PNPLA7: variants seen among roughly 807,000 people sequenced by gnomAD.
PNPLA7 encodes the protein patatin like domain 7, lysophospholipase, also known as patatin-like phospholipase domain-containing protein 7.
In PNPLA7, 153 loss-of-function variants were observed where a neutral mutation model predicts 161.7. The ratio of observed to expected loss-of-function variants is 0.95; its 90% CI spans 0.83 to 1.08. The LOEUF (loss-of-function observed/expected upper bound fraction) is 1.08. PNPLA7 is among the 50% of genes least tolerant of loss of function. PNPLA7 has a pLI of 0.00. For missense variants in PNPLA7, 1,739 were observed against 1,856.6 expected, an observed-to-expected ratio of 0.94 and a Z score of 1.16; for synonymous variants, 809 against 782.1, an observed-to-expected ratio of 1.03 and a Z score of -0.57.
Position 137,500,730 on chromosome 9 carries a change from T to A in PNPLA7, c.1718A>T (p.Asp573Val). The change falls in exon 16 of 35, where the codon GAC becomes GTC. Residue 573 changes from aspartate (D) to valine (V), a missense_variant. Around this residue, in one of 6 missense-constraint regions of PNPLA7, gnomAD observed 481 missense variants for 450.0 expected, o/e 1.07. Coordinates refer to ENST00000406427, the MANE Select transcript of PNPLA7 (RefSeq NM_001098537.3). This position sits in a 1 kb window ranked among gnomAD's most constrained non-coding sequence, Gnocchi z 5.5. ...CTTGGAGATGGACAGGAAGCTGCAG[T>A]CCCTGTTGGCCTTGACGGTGAAGAT... is the stretch of plus-strand genomic sequence containing the variant. The part of the protein sequence containing the change: ...PLIFTVKANR[D>V]CSFLSISKAH... The A allele has an allele frequency of 6.2e-7, 1 of 1,612,356 alleles. No homozygotes were observed. Among genetic ancestry groups the A allele is most frequent in the Non-Finnish European group, 8.5e-7 (1 of 1,179,838 alleles).
chr9:137,546,967 A>T, intron 3 of PNPLA7, 58 bp from the exon 4 acceptor site: 2 of 1,517,762 alleles, frequency 1.3e-6, no homozygotes, highest in Non-Finnish European at 9.1e-7. Context: ...CTGGTCCTGG[A>T]CATGCAGGTG....
intron 12 of PNPLA7, among the ~76,000 whole-genome samples, chr9:137,512,283 C>T (rs1271981161): frequency 6.6e-6 from 1 of 152,278 alleles, no homozygotes; most frequent in East Asian, 1.9e-4. Flanking sequence ...GCGAAGCCTG[C>T]ACCACCACGA....
At chr9:137,510,027 C>CCAGAAGACCAG (rs1834133383) in intron 12 of PNPLA7, among the ~76,000 whole-genome samples, 1 of 152,170 alleles carries the variant, frequency 6.6e-6, no homozygotes, top group African/African-American at 2.4e-5. Flanking sequence ...GACCAGAAGA[C>CCAGAAGACCAG]AAGAGTGCGA....
rs771781903 is a variant in PNPLA7, at chr9:137,515,232, C to T, written c.1225+147G>A. On this transcript the variant is annotated intron_variant, in intron 12 of 34. Coordinates refer to ENST00000406427, the MANE Select transcript of PNPLA7 (RefSeq NM_001098537.3). ...AAGCCTCGACCCTAGAGCCAGAGGACAGGCACAGGCCCCCCTGGGCACGTG... is the reference window on the plus strand; with the variant it reads ...AAGCCTCGACCCTAGAGCCAGAGGATAGGCACAGGCCCCCCTGGGCACGTG... 9 of 1,059,400 alleles carry T rather than the reference C, an allele frequency of 8.5e-6. 1 individual carries two copies. The highest frequency in any genetic ancestry group is 1.2e-5 in the Non-Finnish European group (9 of 754,426). The allele number at this position is 1,059,400 out of a possible 1,614,324, so 65.6% of individuals were successfully genotyped here.
rs950222455 is a variant in PNPLA7 at position 137,541,183 on chromosome 9, T to C, written c.667-461A>G. 4.6e-5 allele frequency among the ~76,000 whole-genome samples: 7 copies of C among 152,206 alleles called. No individual in the cohort carries two copies. Among genetic ancestry groups the C allele is most frequent in the Non-Finnish European group, 1.0e-4 (7 of 68,034 alleles). ...CTCAGCTTGACCCAGGAAAATTCTTTATGAAGTTGCCCAAATCTGGCCCCA... is the reference window on the plus strand; with the variant it reads ...CTCAGCTTGACCCAGGAAAATTCTTCATGAAGTTGCCCAAATCTGGCCCCA... On this transcript the variant is annotated intron_variant, in intron 7 of 34. Transcript: ENST00000406427. The surrounding 1 kb of genome is among the most constrained non-coding windows in gnomAD (Gnocchi z 4.4).
At chr9:137,506,712 T>G (rs1375048216) in intron 12 of PNPLA7, among the ~76,000 whole-genome samples, 1 of 152,182 alleles carries the variant, frequency 6.6e-6, no homozygotes, top group African/African-American at 2.4e-5. Flanking sequence ...GTGCACCCTT[T>G]TACAGCCTGC....
rs1301187336 is a variant in PNPLA7 at position 137,499,116 on chromosome 9, G to T, written c.1758-871C>A. ...AGGCACACCATGCACGGACACACAG[G>T]CAGACACACAGACACACACAGACAC... On this transcript the variant is annotated intron_variant, in intron 16 of 34. Transcript: ENST00000406427. This position sits in a 1 kb window ranked among gnomAD's most constrained non-coding sequence, Gnocchi z 5.5. Among the ~76,000 whole-genome samples the T allele has an allele frequency of 1.3e-5, 2 of 151,640 alleles. No homozygotes were observed. Among genetic ancestry groups the T allele is most frequent in the Non-Finnish European group, 2.9e-5 (2 of 67,854 alleles).
intron 20 of PNPLA7, among the ~76,000 whole-genome samples, chr9:137,485,401 C>T (rs920167075): frequency 9.2e-5 from 14 of 151,386 alleles, no homozygotes; most frequent in East Asian, 1.9e-4. Flanking sequence ...ACCAGACAAA[C>T]GCTGCAGGTG....
chr9:137,528,444 G>T (rs1564356823), intron 8 of PNPLA7, among the ~76,000 whole-genome samples: 1 of 151,404 alleles, frequency 6.6e-6, no homozygotes, highest in Admixed American at 6.6e-5. Context: ...GTGATTTCCA[G>T]ATAATTTTTG....
At chr9:137,549,840 A>G (rs1353447714) in intron 1 of PNPLA7, among the ~76,000 whole-genome samples, 1 of 152,212 alleles carries the variant, frequency 6.6e-6, no homozygotes, top group Non-Finnish European at 1.5e-5. Context: ...GCAAAGTCCT[A>G]AAGGAACTGG....
rs565109951 is a variant in PNPLA7, at chr9:137,499,752, G to A, written c.1757+939C>T. 4.6e-5 allele frequency among the ~76,000 whole-genome samples: 7 copies of A among 152,352 alleles called. No individual in the cohort carries two copies. In the East Asian group the frequency reaches 1.3e-3, roughly 29 times the overall value. ...CAGGCTGAAGCAGCAACGGCGCGGT[G>A]CCATTTGCTGGATTACAGGCGTGAG... On this transcript the variant is annotated intron_variant, in intron 16 of 34. Transcript: ENST00000406427. The surrounding 1 kb of genome is among the most constrained non-coding windows in gnomAD (Gnocchi z 5.5).
chr9:137,542,708 G>C lies in PNPLA7; in HGVS notation c.600C>G (p.Pro200=), dbSNP rs1216093242. The change falls in exon 7 of 35, where the codon CCC becomes CCG. Residue 200 remains proline (P), a synonymous_variant. Coordinates refer to ENST00000406427, the MANE Select transcript of PNPLA7 (RefSeq NM_001098537.3). The part of the protein sequence containing the change: ...QLQEGEHVFQ[P]REPDPSICVV... The stretch of plus-strand genomic sequence containing the variant: ...CACAGATGCTGGGGTCCGGCTCCCT[G>C]GGCTGGAAGACGTGCTCCCCTTCCT... The C allele has an allele frequency of 6.2e-7, 1 of 1,613,488 alleles. No individual in the cohort carries two copies. Among genetic ancestry groups the C allele is most frequent in the South Asian group, 1.1e-5 (1 of 91,054 alleles).
chr9:137,467,189 C>T lies in PNPLA7; in HGVS notation c.3039+128G>A. Reference sequence around the variant, plus strand: ...CCTCACAAGCTGCACTGGGAGGCTTCAGGGGGTAGCCTCCTCGAGGGCAGG... The same window carrying T: ...CCTCACAAGCTGCACTGGGAGGCTTTAGGGGGTAGCCTCCTCGAGGGCAGG... On this transcript the variant is annotated intron_variant, in intron 26 of 34. Coordinates refer to ENST00000406427, the MANE Select transcript of PNPLA7 (RefSeq NM_001098537.3). The surrounding 1 kb of genome is among the most constrained non-coding windows in gnomAD (Gnocchi z 5.1). 7.6e-7 allele frequency: 1 copy of T among 1,312,708 alleles called. No individual in the cohort carries two copies. The highest frequency in any genetic ancestry group is 1.0e-6 in the Non-Finnish European group (1 of 983,542). 81.3% of individuals were successfully genotyped at this position (1,312,708 alleles called of 1,614,324 possible).
intron 23 of PNPLA7, chr9:137,479,857 C>T (rs1217848206): frequency 1.0e-6 from 1 of 985,342 alleles, no homozygotes; most frequent in Non-Finnish European, 1.2e-6. Flanking sequence ...CTGCAGAAGG[C>T]TGTTCCTGTT....
chr9:137,467,606 G>T lies in PNPLA7; in HGVS notation c.2883-133C>A. ...GCTGACGCAGAGAGGGACTCCAGAT[G>T]CAGTTTAAAACCCCTCTTTCCGGGC... On this transcript the variant is annotated intron_variant, in intron 25 of 34. Transcript: ENST00000406427. The surrounding 1 kb of genome is among the most constrained non-coding windows in gnomAD (Gnocchi z 5.1). 1.6e-6 allele frequency: 2 copies of T among 1,242,318 alleles called. No homozygotes were observed. Among genetic ancestry groups the T allele is most frequent in the Non-Finnish European group, 1.1e-6 (1 of 913,546 alleles). 77.0% of individuals were successfully genotyped at this position (1,242,318 alleles called of 1,614,324 possible).
rs192628153 is a variant in PNPLA7 at position 137,481,808 on chromosome 9, C to T, written c.2348-785G>A. Among the ~76,000 whole-genome samples, 126 of 152,246 alleles carry T rather than the reference C, an allele frequency of 8.3e-4. 4 individuals are homozygous for T. In the East Asian group the frequency reaches 0.019, roughly 23 times the overall value. The stretch of plus-strand genomic sequence containing the variant: ...AAACTTAGCTGGGTGTGGTGGCGGG[C>T]GCCTGTAGTCCCAGCTACTTGGGAG... On this transcript the variant is annotated intron_variant, in intron 21 of 34. Transcript: ENST00000406427.
chr9:137,503,359 T>C (rs1295481866), intron 14 of PNPLA7, among the ~76,000 whole-genome samples: 1 of 149,006 alleles, frequency 6.7e-6, no homozygotes, highest in Admixed American at 6.8e-5. Context: ...CCAGGCTGGA[T>C]GACAAAGTGA....
chr9:137,502,947 C>A (rs1026057611), intron 14 of PNPLA7, among the ~76,000 whole-genome samples: 2 of 151,828 alleles, frequency 1.3e-5, no homozygotes, highest in African/African-American at 4.8e-5. Context: ...GGCACCCGAA[C>A]GGTACGGAAG....
At position 137,520,705 on chromosome 9, in the gene PNPLA7, GTGGGGA is replaced by G. The variant is rs1834938107; in HGVS notation, c.958-668_958-663del. Reference sequence around the variant, plus strand: ...TCAGTTCCCACGAGAGCTCGGCTAGGTGGGGACCGTCCCACGTCCCGGCCAAGTGCC... The same window carrying G: ...TCAGTTCCCACGAGAGCTCGGCTAGGCCGTCCCACGTCCCGGCCAAGTGCC... On this transcript the variant is annotated intron_variant, in intron 10 of 34. Coordinates refer to ENST00000406427, the MANE Select transcript of PNPLA7 (RefSeq NM_001098537.3). This position sits in a 1 kb window ranked among gnomAD's most constrained non-coding sequence, Gnocchi z 5.2. Among the ~76,000 whole-genome samples the G allele has an allele frequency of 6.6e-6, 1 of 152,226 alleles. No individual in the cohort carries two copies. Among genetic ancestry groups the G allele is most frequent in the African/African-American group, 2.4e-5 (1 of 41,470 alleles).
Sources: allele counts gnomAD v4.1 joint callset (sites outside exome capture counted in the v4.1 genomes callset), GRCh38; gene constraint gnomAD v4.1.1; regional missense constraint gnomAD v4.1.1; non-coding constraint Gnocchi (gnomAD v3.1); transcripts MANE v1.5; gene names NCBI Gene and HGNC (gene_info 2026-07-23, HGNC 2026-07-21).